The following DLGAP2 variants were observed in gnomAD, a reference collection of about 807,000 sequenced individuals.
The protein encoded by DLGAP2 is DLG associated protein 2.
Under a neutral mutation model 100.3 loss-of-function variants are expected in DLGAP2, and 26 were observed. The ratio of observed to expected loss-of-function variants is 0.26; its 90% confidence interval spans 0.19 to 0.36. The LOEUF is 0.36. Among genes scored for constraint, DLGAP2 ranks in the 10% least tolerant of loss-of-function variants. The pLI is 1.00. For missense variants in DLGAP2, 1,858 were observed against 1,453.2 expected (o/e 1.28, Z -4.53); for synonymous variants, 886 against 630.1 (o/e 1.41, Z -6.08).
intron 3 of DLGAP2, among the ~76,000 whole-genome samples, chr8:1,390,022 T>C (rs920800224): frequency 4.6e-5 from 7 of 152,066 alleles, no homozygotes; most frequent in African/African-American, 1.7e-4. Flanking sequence ...TCTGGATGGA[T>C]GTTGCCTGGA....
chr8:1,331,797 C>G (rs1454946742), intron 3 of DLGAP2, among the ~76,000 whole-genome samples: 1 of 152,166 alleles, frequency 6.6e-6, no homozygotes, highest in African/African-American at 2.4e-5. Flanking sequence ...CGTGTAAATC[C>G]AAGCACCTTT....
chr8:772,081 TG>T (rs983850445), intron 1 of DLGAP2, among the ~76,000 whole-genome samples: 16 of 152,190 alleles, frequency 1.1e-4, no homozygotes, highest in African/African-American at 3.9e-4. Flanking sequence ...TTCTATTTTT[TG>T]TAGAGACAAG....
intron 2 of DLGAP2, among the ~76,000 whole-genome samples, chr8:993,744 T>C (rs1800698563): frequency 6.6e-6 from 1 of 150,742 alleles, no homozygotes; most frequent in South Asian, 2.1e-4. Context: ...GGAGCAGTTC[T>C]CTAGATGCAG....
chr8:1,531,403 G>C (rs772400513), intron 4 of DLGAP2, among the ~76,000 whole-genome samples: 2 of 151,954 alleles, frequency 1.3e-5, no homozygotes, highest in Non-Finnish European at 2.9e-5. Context: ...TTCAAAAGCT[G>C]TTTTCTTCAT....
Position 1,053,821 on chromosome 8 carries a change from A to G in DLGAP2, c.73+145855A>G, listed in dbSNP as rs114314226. 3.0e-3 allele frequency among the ~76,000 whole-genome samples: 459 copies of G among 152,338 alleles called. 2 individuals are homozygous for G. The highest frequency in any genetic ancestry group is 0.01 in the African/African-American group (428 of 41,578). On this transcript the variant is annotated intron_variant, in intron 2 of 14. Transcript: ENST00000637795. ...TTAATATTTTATTTTCATTACCGTC[A>G]CTGGTTTTCCTTCCTAGCAGAATGG... is the stretch of plus-strand genomic sequence containing the variant.
chr8:824,542 C>A (rs189060411), intron 1 of DLGAP2, among the ~76,000 whole-genome samples: 1 of 152,146 alleles, frequency 6.6e-6, no homozygotes, highest in African/African-American at 2.4e-5. Context: ...ACCCAGTATT[C>A]GTGACTCCTG....
intron 8 of DLGAP2, among the ~76,000 whole-genome samples, chr8:1,644,660 G>A (rs1045639531): frequency 2.0e-5 from 3 of 152,098 alleles, no homozygotes; most frequent in Non-Finnish European, 4.4e-5. Flanking sequence ...ACAGAATCTC[G>A]ATGTACATTT....
intron 2 of DLGAP2, among the ~76,000 whole-genome samples, chr8:964,029 C>T (rs1383461503): frequency 2.0e-5 from 3 of 152,184 alleles, no homozygotes; most frequent in East Asian, 1.9e-4. Flanking sequence ...TATTTGGAAA[C>T]GATAACTGAT....
At chr8:1,317,496 C>G (rs1269352426) in intron 3 of DLGAP2, among the ~76,000 whole-genome samples, 2 of 141,576 alleles carry the variant, frequency 1.4e-5, no homozygotes, top group South Asian at 2.3e-4. Flanking sequence ...GGTCTACACT[C>G]GAGACACTTG....
chr8:1,012,678 ACCGT>A (rs1801329768), intron 2 of DLGAP2, among the ~76,000 whole-genome samples: 1 of 107,978 alleles, frequency 9.3e-6, no homozygotes, highest in Non-Finnish European at 1.8e-5. Flanking sequence ...CAGTGTGGAC[ACCGT>A]CCGACCAGTC....
intron 3 of DLGAP2, among the ~76,000 whole-genome samples, chr8:1,439,241 C>G (rs1375929143): frequency 6.6e-6 from 1 of 152,172 alleles, no homozygotes; most frequent in Non-Finnish European, 1.5e-5. Flanking sequence ...GGCGCCAGGA[C>G]TGAACAGCAC....
At chr8:1,203,201 T>C (rs1013244249) in intron 2 of DLGAP2, among the ~76,000 whole-genome samples, 1 of 152,134 alleles carries the variant, frequency 6.6e-6, no homozygotes, top group African/African-American at 2.4e-5. Flanking sequence ...ACGAGGGGAT[T>C]ATAGACGTGT....
intron 2 of DLGAP2, among the ~76,000 whole-genome samples, chr8:1,138,749 G>A (rs888637437): frequency 9.9e-5 from 15 of 152,120 alleles, no homozygotes; most frequent in South Asian, 2.1e-4. Context: ...TGGCCTGTGC[G>A]GCTGGTGGGA....
intron 2 of DLGAP2, among the ~76,000 whole-genome samples, chr8:1,030,536 G>A (rs968980097): frequency 1.3e-5 from 2 of 152,150 alleles, no homozygotes; most frequent in Non-Finnish European, 2.9e-5. Flanking sequence ...TTGGGAAGAG[G>A]TGTTAGTTTA....
intron 6 of DLGAP2, among the ~76,000 whole-genome samples, chr8:1,609,819 A>G (rs1438597297): frequency 6.8e-6 from 1 of 146,584 alleles, no homozygotes; most frequent in African/African-American, 2.5e-5. Flanking sequence ...AAAGGGATCA[A>G]TTCAACAAGA....
intron 3 of DLGAP2, among the ~76,000 whole-genome samples, chr8:1,421,858 A>G (rs1040661993): frequency 1.1e-4 from 17 of 152,002 alleles, no homozygotes; most frequent in African/African-American, 9.7e-5. Context: ...CAGCTACTCA[A>G]GAGGCTCTGA....
At chr8:878,281 C>T (rs1257668829) in intron 1 of DLGAP2, among the ~76,000 whole-genome samples, 1 of 152,056 alleles carries the variant, frequency 6.6e-6, no homozygotes, top group Non-Finnish European at 1.5e-5. Flanking sequence ...GGATATAGAA[C>T]AGAGCTAGAG....
intron 1 of DLGAP2, among the ~76,000 whole-genome samples, chr8:758,138 G>A (rs1326391091): frequency 6.6e-5 from 10 of 152,262 alleles, no homozygotes; most frequent in South Asian, 6.2e-4. Flanking sequence ...AAAAGCAGGA[G>A]TGGCCATCCC....
chr8:1,664,052 C>G (rs1345135994), intron 8 of DLGAP2, among the ~76,000 whole-genome samples: 1 of 152,184 alleles, frequency 6.6e-6, no homozygotes, highest in African/African-American at 2.4e-5. Context: ...TTGATGACAA[C>G]TGATCCACTG....
Sources: allele counts gnomAD v4.1 joint callset (sites outside exome capture counted in the v4.1 genomes callset), GRCh38; gene constraint gnomAD v4.1.1; transcripts MANE v1.5; gene names NCBI Gene and HGNC (gene_info 2026-07-23, HGNC 2026-07-21).